RBPMS2: variants seen among roughly 807,000 people sequenced by gnomAD.
RBPMS2 encodes the protein RNA binding protein, mRNA processing factor 2, also known as RNA-binding protein with multiple splicing 2.
Under a neutral mutation model 25.7 loss-of-function variants are expected in RBPMS2, and 14 were observed. That is an observed-to-expected ratio of 0.55 (90% CI 0.36 to 0.85). The LOEUF is 0.85. Ranked by LOEUF, RBPMS2 falls within the 40% of genes least tolerant of loss-of-function variation. The probability of loss-of-function intolerance (pLI) is 0.01; values close to 1 mark genes in which losing one functional copy is unlikely to be tolerated. For missense variants in RBPMS2, 252 were observed against 283.4 expected (o/e 0.89, Z 0.80); for synonymous variants, 127 against 115.6 (o/e 1.10, Z -0.63).
In RBPMS2 at chr15:64,775,389, AGGGGCGC is replaced by A; in HGVS notation, c.-77_-71del. On this transcript the variant is annotated 5_prime_UTR_variant, in exon 1 of 8. Transcript: ENST00000300069. ...GGCGCCGGCCCCGCGGGAAGTGGGA[AGGGGCGC>A]GGGGAGCGGTGCGCTCGCGGGTGCG... The A allele has an allele frequency of 1.1e-6, 1 of 905,980 alleles. No individual in the cohort carries two copies. Among genetic ancestry groups the A allele is most frequent in the Non-Finnish European group, 1.4e-6 (1 of 701,232 alleles). 56.1% of individuals were successfully genotyped at this position (905,980 alleles called of 1,614,324 possible). A position where few individuals can be genotyped will look rare whatever the true frequency, so the allele number is the denominator to read the frequency against.
intron 1 of RBPMS2, among the ~76,000 whole-genome samples, chr15:64,767,067 A>G (rs1227580021): frequency 6.6e-6 from 1 of 152,054 alleles, no homozygotes; most frequent in Non-Finnish European, 1.5e-5. Flanking sequence ...TACAGGCATA[A>G]GCCACCGAGT....
chr15:64,761,350 G>A (rs1200156877), intron 1 of RBPMS2: 1 of 152,228 alleles, frequency 6.6e-6, no homozygotes, highest in Non-Finnish European at 1.5e-5. Context: ...ATCTGAGCTG[G>A]AAGAAACCTT....
chr15:64,767,562 G>A (rs967056608), intron 1 of RBPMS2, among the ~76,000 whole-genome samples: 1 of 152,202 alleles, frequency 6.6e-6, no homozygotes, highest in Non-Finnish European at 1.5e-5. Context: ...CAGAGCATGA[G>A]AGCCAAGCAA....
At chr15:64,750,037 CAA>C (rs1224649187) in intron 3 of RBPMS2, among the ~76,000 whole-genome samples, 1 of 150,002 alleles carries the variant, frequency 6.7e-6, no homozygotes, top group Non-Finnish European at 1.5e-5. Context: ...GCCTGGGCAA[CAA>C]GAGCAAAACT....
chr15:64,772,635 T>C (rs1486625890), intron 1 of RBPMS2, among the ~76,000 whole-genome samples: 2 of 152,144 alleles, frequency 1.3e-5, no homozygotes, highest in African/African-American at 4.8e-5. Flanking sequence ...TCCTCACTTA[T>C]ACATGCGACT....
At chr15:64,758,789 A>T (rs1450503062) in intron 1 of RBPMS2, among the ~76,000 whole-genome samples, 4 of 152,072 alleles carry the variant, frequency 2.6e-5, no homozygotes, top group Admixed American at 6.6e-5. Flanking sequence ...ACTTACTGGC[A>T]CTTCCTGGAG....
chr15:64,757,510 C>T (rs924412941), intron 1 of RBPMS2, among the ~76,000 whole-genome samples: 3 of 152,044 alleles, frequency 2.0e-5, no homozygotes, highest in African/African-American at 7.2e-5. Flanking sequence ...TTTTCTCTTC[C>T]CCAGAGGAGG....
chr15:64,759,267 T>C (rs1471723792), intron 1 of RBPMS2, among the ~76,000 whole-genome samples: 1 of 152,128 alleles, frequency 6.6e-6, no homozygotes, highest in Non-Finnish European at 1.5e-5. Context: ...GAATGGGGAA[T>C]CCCCTCCTAG....
chr15:64,764,499 G>A (rs1334706350), intron 1 of RBPMS2, among the ~76,000 whole-genome samples: 3 of 152,136 alleles, frequency 2.0e-5, no homozygotes, highest in African/African-American at 7.2e-5. Flanking sequence ...TCAGGAGGGG[G>A]TTTCTGTTCA....
intron 6 of RBPMS2, among the ~76,000 whole-genome samples, chr15:64,743,326 G>A (rs924109334): frequency 2.0e-5 from 3 of 152,244 alleles, no homozygotes; most frequent in African/African-American, 7.2e-5. Context: ...CTCGCTACAA[G>A]GTGCTGGGAT....
intron 1 of RBPMS2, among the ~76,000 whole-genome samples, chr15:64,770,392 T>C (rs2083884698): frequency 6.6e-6 from 1 of 152,228 alleles, no homozygotes; most frequent in South Asian, 2.1e-4. Context: ...GTGATAATAA[T>C]GTAAGTACTT....
At chr15:64,745,034 G>A (rs1047075170) in intron 6 of RBPMS2, among the ~76,000 whole-genome samples, 6 of 151,778 alleles carry the variant, frequency 4.0e-5, no homozygotes, top group Non-Finnish European at 7.4e-5. Context: ...GGCTGGTCTT[G>A]ACCACCTGAC....
intron 1 of RBPMS2, among the ~76,000 whole-genome samples, chr15:64,756,450 G>A (rs1414314152): frequency 6.6e-6 from 1 of 151,550 alleles, no homozygotes; most frequent in Non-Finnish European, 1.5e-5. Flanking sequence ...TGGAGAGATG[G>A]AGGTTGCAGT....
In RBPMS2 at chr15:64,750,327, CT is replaced by C. The variant is rs752180650; in HGVS notation, c.204+15del. On this transcript the variant is annotated intron_variant, in intron 3 of 7. Transcript: ENST00000300069. ...GGTCTGGGCTGGGAGGAAGAAAACCCTAGGAGAGAAATTACCTGTCTTGCAG... is the reference window on the plus strand; with the variant it reads ...GGTCTGGGCTGGGAGGAAGAAAACCCAGGAGAGAAATTACCTGTCTTGCAG... 2.5e-6 allele frequency: 4 copies of C among 1,611,774 alleles called. No individual in the cohort carries two copies. The Admixed American group carries it at 6.7e-5, about 27-fold the overall frequency.
rs1222690364 is a variant in RBPMS2 at position 64,768,870 on chromosome 15, G to A, written c.87+6363C>T. Among the ~76,000 whole-genome samples the A allele has an allele frequency of 6.6e-5, 10 of 150,936 alleles. No individual in the cohort carries two copies. The East Asian group carries it at 2.0e-3, about 29-fold the overall frequency. On this transcript the variant is annotated intron_variant, in intron 1 of 7. Coordinates refer to ENST00000300069, the MANE Select transcript of RBPMS2 (RefSeq NM_194272.3). ...AATCCCAGCACTTTGGGAGGCCAAG[G>A]TGGGTGGATCACCAGGTCAGGAGAT...
chr15:64,749,383 G>GC, intron 4 of RBPMS2, 48 bp downstream of exon 4: 3 of 1,529,388 alleles, frequency 2.0e-6, no homozygotes, highest in Middle Eastern at 1.7e-4. Context: ...CACACCCACT[G>GC]CCTAAGAGGG....
intron 1 of RBPMS2, 52 bp from the exon 2 acceptor site, chr15:64,751,690 T>A (rs771523245): frequency 1.4e-6 from 2 of 1,475,742 alleles, no homozygotes; most frequent in African/African-American, 2.8e-5. Context: ...CGGACAGGGA[T>A]GACAACAGCG....
chr15:64,749,242 C>T (rs768538173), intron 4 of RBPMS2, 92 bp from the exon 5 acceptor site: 6 of 1,500,000 alleles, frequency 4.0e-6, no homozygotes, highest in Admixed American at 1.7e-5. Context: ...TAAACAAGCT[C>T]GCCTCGAAGA....
rs2083679779 is a variant in RBPMS2, at chr15:64,751,489, A to T, written c.165+72T>A. 3 of 1,347,004 alleles carry T rather than the reference A, an allele frequency of 2.2e-6. No homozygotes were observed. The South Asian group carries it at 3.5e-5, about 16-fold the overall frequency. 83.4% of individuals were successfully genotyped at this position (1,347,004 alleles called of 1,614,324 possible). On this transcript the variant is annotated intron_variant, in intron 2 of 7. Coordinates refer to ENST00000300069, the MANE Select transcript of RBPMS2 (RefSeq NM_194272.3). ...CCGCATCATCCTGCTGCCCTGCCCG[A>T]CCCGAGATTCACTCCCGCTGCTTCT... is the stretch of plus-strand genomic sequence containing the variant.
Sources: gnomAD v4.1 joint callset for allele counts (sites outside exome capture counted in the v4.1 genomes callset) on GRCh38, gnomAD v4.1.1 for gene constraint, MANE v1.5 for transcripts, NCBI Gene and HGNC (gene_info 2026-07-23, HGNC 2026-07-21) for gene names.